Variants in LMO7 observed in about 807,000 individuals in gnomAD.
The protein encoded by LMO7 is LIM domain only protein 7.
A neutral mutation model predicts 206.5 loss-of-function variants in LMO7; 120 were observed. The ratio of observed to expected loss-of-function variants is 0.58; its 90% CI spans 0.50 to 0.68. The LOEUF is 0.68. Among genes scored for constraint, LMO7 ranks in the 30% least tolerant of loss-of-function variants. The pLI is 0.00. For missense variants in LMO7, 1,959 were observed against 1,957.9 expected (o/e 1.00, Z -0.01); for synonymous variants, 706 against 681.5 (o/e 1.04, Z -0.56).
At chr13:75,855,232 C>T in intron 28 of LMO7, 28 bp from the exon 29 acceptor site, 1 of 1,417,408 alleles carries the variant, frequency 7.1e-7, no homozygotes, top group East Asian at 2.3e-5. Flanking sequence ...AGGTGAAAGC[C>T]TCCATTCCAT....
At chr13:75,640,583 T>G (rs1429858979) in intron 1 of LMO7, among the ~76,000 whole-genome samples, 1 of 152,226 alleles carries the variant, frequency 6.6e-6, no homozygotes, top group Non-Finnish European at 1.5e-5. Context: ...TCTCTCTTTT[T>G]GCATTGTGTG....
chr13:75,733,580 G>A (rs999874996), intron 3 of LMO7, among the ~76,000 whole-genome samples: 1 of 152,108 alleles, frequency 6.6e-6, no homozygotes, highest in Non-Finnish European at 1.5e-5. Context: ...TGCGCTTCCC[G>A]AGTGAGGCAA....
chr13:75,839,988 A>G (rs2059444300), intron 20 of LMO7, 97 bp from the exon 21 acceptor site: 1 of 1,143,608 alleles, frequency 8.7e-7, no homozygotes, highest in African/African-American at 1.5e-5. Context: ...ACTGGCATAG[A>G]GACAGCTAAT....
At chr13:75,669,576 A>G (rs1188993917) in intron 1 of LMO7, among the ~76,000 whole-genome samples, 2 of 152,130 alleles carry the variant, frequency 1.3e-5, no homozygotes, top group Non-Finnish European at 2.9e-5. Flanking sequence ...GGGGAATAAA[A>G]TGAAGTGAAT....
chr13:75,627,476 T>A (rs1188841508), intron 2 of LMO7: 1 of 152,216 alleles, frequency 6.6e-6, no homozygotes, highest in East Asian at 1.9e-4. Flanking sequence ...TAGTGCATAC[T>A]GTGCTTAAAT....
chr13:75,715,623 T>C (rs1382345435), intron 2 of LMO7, among the ~76,000 whole-genome samples: 1 of 152,244 alleles, frequency 6.6e-6, no homozygotes, highest in African/African-American at 2.4e-5. Context: ...ATATTTTTAT[T>C]AAAAAATCTT....
intron 1 of LMO7, among the ~76,000 whole-genome samples, chr13:75,652,097 A>G (rs528511971): frequency 1.3e-5 from 2 of 152,050 alleles, no homozygotes; most frequent in Admixed American, 6.5e-5. Flanking sequence ...TATGATTGCA[A>G]TATATTGTTT....
chr13:75,800,865 T>C lies in LMO7; in HGVS notation c.644T>C (p.Leu215Ser), dbSNP rs1165833215. The part of the protein sequence containing the change: ...SLTSCSSDIT[L>S]RGGREGFESD... The stretch of plus-strand genomic sequence containing the variant: ...ACAAGCTGCTCCTCTGATATCACGT[T>C]GAGAGGGGGGCGTGAAGGTGTGTTG... Residue 215 changes from leucine to serine, a missense_variant, in exon 7 of 31, where the codon TTG becomes TCG. Physicochemically the swap from Leu to Ser is moderately radical, Grantham distance 145. Coordinates refer to ENST00000377534, the MANE Select transcript of LMO7 (RefSeq NM_001306080.2). The C allele has an allele frequency of 1.2e-6, 2 of 1,613,948 alleles. No individual in the cohort carries two copies. The highest frequency in any genetic ancestry group is 3.3e-5 in the Admixed American group (2 of 59,998).
intron 1 of LMO7, among the ~76,000 whole-genome samples, chr13:75,696,157 C>A (rs1413207226): frequency 6.6e-6 from 1 of 152,144 alleles, no homozygotes; most frequent in Admixed American, 6.5e-5. Context: ...GAGATTGAGA[C>A]CAGCCTGGCC....
intron 8 of LMO7, chr13:75,804,993 A>T (rs1361279387): frequency 1.0e-6 from 1 of 999,324 alleles, no homozygotes; most frequent in Non-Finnish European, 1.2e-6. Flanking sequence ...GGATGAACGA[A>T]GGTTTCCTGA....
chr13:75,799,119 G>A (rs144487342), intron 6 of LMO7, among the ~76,000 whole-genome samples: 147 of 152,250 alleles, frequency 9.7e-4, no homozygotes, highest in African/African-American at 3.5e-3. Flanking sequence ...CCAGGGTGTC[G>A]GCATCTAAAG....
intron 29 of LMO7, 54 bp downstream of exon 29, chr13:75,855,422 A>G: frequency 8.2e-7 from 1 of 1,212,452 alleles, no homozygotes; most frequent in Non-Finnish European, 1.2e-6. Flanking sequence ...TGGAGAGCGC[A>G]TGGCTGCTTT....
chr13:75,643,031 T>G (rs1566267624), intron 1 of LMO7, among the ~76,000 whole-genome samples: 1 of 152,232 alleles, frequency 6.6e-6, no homozygotes, highest in Non-Finnish European at 1.5e-5. Context: ...AAGCCATTTG[T>G]AAAGCACAAA....
At chr13:75,643,363 A>G (rs921179568) in intron 1 of LMO7, among the ~76,000 whole-genome samples, 2 of 152,248 alleles carry the variant, frequency 1.3e-5, no homozygotes, top group Non-Finnish European at 2.9e-5. Flanking sequence ...TTAGTTTGGA[A>G]GAAATACACC....
chr13:75,750,227 G>A (rs866897568), intron 3 of LMO7, among the ~76,000 whole-genome samples: 4 of 152,054 alleles, frequency 2.6e-5, no homozygotes, highest in African/African-American at 7.2e-5. Context: ...AGTACTTTTG[G>A]TGATCTAATA....
chr13:75,666,264 C>G (rs2039065616), intron 1 of LMO7, among the ~76,000 whole-genome samples: 1 of 152,204 alleles, frequency 6.6e-6, no homozygotes, highest in Non-Finnish European at 1.5e-5. Flanking sequence ...GCCTACTGTT[C>G]AACGCATCAG....
chr13:75,652,655 GTGTATT>G (rs2037697321), intron 1 of LMO7, among the ~76,000 whole-genome samples: 1 of 147,596 alleles, frequency 6.8e-6, no homozygotes, highest in African/African-American at 2.5e-5. Flanking sequence ...GTGTGTGTGT[GTGTATT>G]TATTTTTAGG....
intron 19 of LMO7, among the ~76,000 whole-genome samples, chr13:75,836,700 G>A (rs553360523): frequency 6.6e-6 from 1 of 152,332 alleles, no homozygotes; most frequent in East Asian, 1.9e-4. Flanking sequence ...GAGTGCCTGA[G>A]TGCCTAAGTC....
chr13:75,790,577 G>A lies in LMO7; in HGVS notation c.318-4824G>A, dbSNP rs553833929. ...ACCCACTGGTCCTTTGGTTAGAAAT[G>A]ATATTTCTTGATTGACTTGGTACTA... On this transcript the variant is annotated intron_variant, in intron 4 of 30. Coordinates refer to ENST00000377534, the MANE Select transcript of LMO7 (RefSeq NM_001306080.2). Among the ~76,000 whole-genome samples, 6 of 152,252 alleles carry A rather than the reference G, an allele frequency of 3.9e-5. No individual in the cohort carries two copies. The South Asian group carries it at 1.2e-3, about 32-fold the overall frequency.
Sources: allele counts gnomAD v4.1 joint callset (sites outside exome capture counted in the v4.1 genomes callset), GRCh38; gene constraint gnomAD v4.1.1; transcripts MANE v1.5; gene names NCBI Gene and HGNC (gene_info 2026-07-23, HGNC 2026-07-21).